ASTN2: variants seen among roughly 807,000 people sequenced by gnomAD.
ASTN2 encodes astrotactin 2, also known as astrotactin-2.
In ASTN2, 54 loss-of-function variants were observed where a neutral mutation model predicts 139.8. That is an observed-to-expected ratio of 0.39 (90% CI 0.31 to 0.48). The LOEUF (loss-of-function observed/expected upper bound fraction) is 0.48. Ranked by LOEUF, ASTN2 falls within the 20% of genes least tolerant of loss-of-function variation. The pLI is 0.95. For synonymous variants in ASTN2, 756 were observed against 719.5 expected, an observed-to-expected ratio of 1.05 and a Z score of -0.81; for missense variants, 1,565 against 1,725.1, an observed-to-expected ratio of 0.91 and a Z score of 1.64.
intron 19 of ASTN2, among the ~76,000 whole-genome samples, chr9:116,531,926 T>C (rs1195232983): frequency 3.3e-5 from 5 of 152,194 alleles, no homozygotes; most frequent in Admixed American, 2.0e-4. Flanking sequence ...TTCTAGATCC[T>C]TGAGGAATCA....
intron 19 of ASTN2, among the ~76,000 whole-genome samples, chr9:116,598,204 T>C (rs1297025354): frequency 2.0e-5 from 3 of 152,030 alleles, no homozygotes; most frequent in Admixed American, 1.3e-4. Context: ...CTTTGGGAGG[T>C]AGGACAGAAT....
At chr9:116,566,851 C>A (rs539686073) in intron 19 of ASTN2, among the ~76,000 whole-genome samples, 3 of 152,302 alleles carry the variant, frequency 2.0e-5, no homozygotes, top group South Asian at 2.1e-4. Context: ...GATGCTTCTG[C>A]ACAGCCTTCC....
chr9:116,791,208 C>T (rs555220412), intron 13 of ASTN2, among the ~76,000 whole-genome samples: 8 of 152,162 alleles, frequency 5.3e-5, no homozygotes, highest in Non-Finnish European at 8.8e-5. Context: ...AATAAAAACT[C>T]GTTAACTCAC....
At chr9:117,399,309 A>G (rs932982205) in intron 1 of ASTN2, among the ~76,000 whole-genome samples, 6 of 152,212 alleles carry the variant, frequency 3.9e-5, no homozygotes, top group African/African-American at 7.2e-5. Context: ...TCTTAGAAGG[A>G]GTGAGGGAAT....
At chr9:116,908,912 G>A (rs537240485) in intron 10 of ASTN2, among the ~76,000 whole-genome samples, 2 of 152,302 alleles carry the variant, frequency 1.3e-5, no homozygotes, top group South Asian at 2.1e-4. Flanking sequence ...ATTTCCTGAT[G>A]AGGAAATGGG....
chr9:117,342,623 C>T (rs978472482), intron 1 of ASTN2, among the ~76,000 whole-genome samples: 2 of 152,148 alleles, frequency 1.3e-5, no homozygotes, highest in African/African-American at 4.8e-5. Flanking sequence ...CTGGTTTCCT[C>T]ACCTACAAGG....
intron 7 of ASTN2, among the ~76,000 whole-genome samples, chr9:116,982,769 G>A (rs1836547588): frequency 6.6e-6 from 1 of 152,098 alleles, no homozygotes; most frequent in South Asian, 2.1e-4. Context: ...ACCTAACTAT[G>A]TTGCAGAGGC....
chr9:117,358,261 G>GACACACACAC (rs67475291), intron 1 of ASTN2, among the ~76,000 whole-genome samples: 1 of 146,786 alleles, frequency 6.8e-6, no homozygotes, highest in Admixed American at 6.8e-5. Context: ...TACATGTGCA[G>GACACACACAC]ACACACACAC....
At chr9:116,902,993 C>G (rs1834060514) in intron 10 of ASTN2, among the ~76,000 whole-genome samples, 1 of 152,204 alleles carries the variant, frequency 6.6e-6, no homozygotes, top group African/African-American at 2.4e-5. Flanking sequence ...CCAACTCTGT[C>G]TCTTGAAACA....
chr9:116,606,085 T>C (rs1056579435), intron 19 of ASTN2, among the ~76,000 whole-genome samples: 4 of 152,130 alleles, frequency 2.6e-5, no homozygotes, highest in Non-Finnish European at 4.4e-5. Flanking sequence ...CTGAAACCCA[T>C]GCCAATTGTT....
chr9:116,514,010 T>C (rs1850527017), intron 19 of ASTN2, among the ~76,000 whole-genome samples: 2 of 151,746 alleles, frequency 1.3e-5, no homozygotes, highest in Non-Finnish European at 2.9e-5. Context: ...CCTCAAAGTC[T>C]TTCTCCGTCC....
At chr9:117,378,299 T>C (rs994870263) in intron 1 of ASTN2, among the ~76,000 whole-genome samples, 1 of 152,166 alleles carries the variant, frequency 6.6e-6, no homozygotes. Flanking sequence ...TTCCACCATC[T>C]TCAAGGTCTA....
At chr9:117,288,979 T>C (rs1252778665) in intron 2 of ASTN2, among the ~76,000 whole-genome samples, 1 of 152,240 alleles carries the variant, frequency 6.6e-6, no homozygotes, top group Non-Finnish European at 1.5e-5. Context: ...ATCCTTGTTC[T>C]ATAAATGACA....
At position 116,424,971 on chromosome 9, in the gene ASTN2, A is replaced by C. The variant is rs540512146; in HGVS notation, c.*880T>G. On this transcript the variant is annotated 3_prime_UTR_variant, in exon 23 of 23. Coordinates refer to ENST00000313400, the MANE Select transcript of ASTN2 (RefSeq NM_001365068.1). ...TTAGGTATCACTTTTTCAAGGAAGC[A>C]TTTCAGGAGCCCTCCAGTGTGTCTC... Among the ~76,000 whole-genome samples the C allele has an allele frequency of 6.6e-6, 1 of 152,068 alleles. No homozygotes were observed. Among genetic ancestry groups the C allele is most frequent in the African/African-American group, 2.4e-5 (1 of 41,400 alleles).
At chr9:117,278,425 C>T (rs1041803975) in intron 2 of ASTN2, among the ~76,000 whole-genome samples, 1 of 152,184 alleles carries the variant, frequency 6.6e-6, no homozygotes, top group South Asian at 2.1e-4. Context: ...CACTCACGCA[C>T]ACTCCCAGTG....
chr9:116,607,670 AACACACAC>A (rs57512218), intron 19 of ASTN2, among the ~76,000 whole-genome samples: 9,235 of 136,204 alleles, frequency 0.068, 478 homozygotes, highest in African/African-American at 0.15. Flanking sequence ...TTAAGAAATT[AACACACAC>A]ACACACACAC....
At chr9:117,052,255 G>A (rs1401662942) in intron 5 of ASTN2, among the ~76,000 whole-genome samples, 5 of 151,616 alleles carry the variant, frequency 3.3e-5, no homozygotes, top group African/African-American at 9.7e-5. Flanking sequence ...CCTGGCTAAC[G>A]TGGTGAAACC....
intron 19 of ASTN2, among the ~76,000 whole-genome samples, chr9:116,498,526 A>G (rs1412114805): frequency 6.6e-6 from 1 of 152,086 alleles, no homozygotes; most frequent in Non-Finnish European, 1.5e-5. Flanking sequence ...TAAGCCCAGG[A>G]GATCAAGGTT....
intron 10 of ASTN2, among the ~76,000 whole-genome samples, chr9:116,900,008 G>T (rs1051941549): frequency 1.3e-5 from 2 of 152,078 alleles, no homozygotes; most frequent in African/African-American, 2.4e-5. Context: ...CAACAAATCT[G>T]CATTCCCCAT....
Sources: gnomAD v4.1 joint callset for allele counts (sites outside exome capture counted in the v4.1 genomes callset) on GRCh38, gnomAD v4.1.1 for gene constraint, MANE v1.5 for transcripts, NCBI Gene and HGNC (gene_info 2026-07-23, HGNC 2026-07-21) for gene names.